Variants in SRGAP1 observed in about 807,000 individuals in gnomAD.
The protein encoded by SRGAP1 is SLIT-ROBO Rho GTPase activating protein 1, also known as SLIT-ROBO Rho GTPase-activating protein 1.
In SRGAP1, 43 loss-of-function variants were observed where a neutral mutation model predicts 121.9. The ratio of observed to expected loss-of-function variants is 0.35; its 90% CI spans 0.28 to 0.46. SRGAP1 has a LOEUF of 0.46. Among genes scored for constraint, SRGAP1 ranks in the 20% least tolerant of loss-of-function variants. The pLI is 1.00. For missense variants in SRGAP1, 1,102 were observed against 1,350.9 expected (o/e 0.82, Z 2.89); for synonymous variants, 447 against 485.4 (o/e 0.92, Z 1.04).
chr12:64,123,073 A>G (rs1293931945), intron 18 of SRGAP1, among the ~76,000 whole-genome samples: 1 of 152,250 alleles, frequency 6.6e-6, no homozygotes, highest in Admixed American at 6.5e-5. Context: ...TTTCTGTAAC[A>G]TAAGTATATG....
At chr12:64,007,234 C>T (rs1400623302) in intron 3 of SRGAP1, among the ~76,000 whole-genome samples, 1 of 152,150 alleles carries the variant, frequency 6.6e-6, no homozygotes, top group African/African-American at 2.4e-5. Flanking sequence ...TGGTCCCCAA[C>T]CTTTTTGGCA....
Position 63,844,838 on chromosome 12 carries a change from A to G in SRGAP1, c.22A>G (p.Lys8Glu). The G allele has an allele frequency of 6.2e-7, 1 of 1,614,188 alleles. No homozygotes were observed. The highest frequency in any genetic ancestry group is 8.5e-7 in the Non-Finnish European group (1 of 1,180,046). Residue 8 changes from lysine (K) to glutamate (E), a missense_variant, in exon 1 of 22, where the codon AAG becomes GAG. This residue lies in a region of SRGAP1 where 747 missense variants were observed against 929.4 expected (regional missense o/e 0.80). Coordinates refer to ENST00000355086, the MANE Select transcript of SRGAP1 (RefSeq NM_020762.4). This position sits in a 1 kb window ranked among gnomAD's most constrained non-coding sequence, Gnocchi z 4.3. The part of the protein sequence containing the change: MSTPSRF[K>E]KDKEIIAEYE... ...GATAATGTCCACCCCGAGCCGATTCAAGAAGGACAAAGAGATCATAGCCGA... is the reference window on the plus strand; with the variant it reads ...GATAATGTCCACCCCGAGCCGATTCGAGAAGGACAAAGAGATCATAGCCGA...
Position 64,142,879 on chromosome 12 carries a change from T to C in SRGAP1, c.*207T>C, listed in dbSNP as rs914728554. On this transcript the variant is annotated 3_prime_UTR_variant, in exon 22 of 22. Coordinates refer to ENST00000355086, the MANE Select transcript of SRGAP1 (RefSeq NM_020762.4). ...TAATTTTTTTAAATAACTGGACATA[T>C]GTCATTTTAAGGACAATAGAAACAC... 4.5e-6 allele frequency: 3 copies of C among 661,436 alleles called. No individual in the cohort carries two copies. Among genetic ancestry groups the C allele is most frequent in the Admixed American group, 3.1e-5 (1 of 32,784 alleles). The allele number at this position is 661,436 out of a possible 1,614,324, so 41.0% of individuals were successfully genotyped here.
intron 4 of SRGAP1, among the ~76,000 whole-genome samples, chr12:64,035,903 A>G (rs1474671335): frequency 6.6e-6 from 1 of 152,132 alleles, no homozygotes; most frequent in Non-Finnish European, 1.5e-5. Flanking sequence ...TACCTTAGAC[A>G]CTGTCAAGAA....
chr12:63,952,639 C>T (rs2032335735), intron 1 of SRGAP1, among the ~76,000 whole-genome samples: 1 of 152,100 alleles, frequency 6.6e-6, no homozygotes, highest in African/African-American at 2.4e-5. Flanking sequence ...AAGTTAGTCC[C>T]AGAATGATCA....
intron 4 of SRGAP1, among the ~76,000 whole-genome samples, chr12:64,023,048 T>C (rs564501198): frequency 3.3e-5 from 5 of 152,208 alleles, no homozygotes; most frequent in Admixed American, 6.5e-5. Flanking sequence ...CTCCTCATCA[T>C]CATCGCCCTC....
chr12:64,031,043 C>G (rs1379399270), intron 4 of SRGAP1, among the ~76,000 whole-genome samples: 1 of 152,092 alleles, frequency 6.6e-6, no homozygotes, highest in Non-Finnish European at 1.5e-5. Flanking sequence ...GCTGGCTGGG[C>G]ATGGTGGCTC....
At chr12:63,990,679 G>C (rs372243415) in intron 3 of SRGAP1, among the ~76,000 whole-genome samples, 1 of 152,166 alleles carries the variant, frequency 6.6e-6, no homozygotes, top group Non-Finnish European at 1.5e-5. Context: ...GATATAAGAT[G>C]TTCCTGCAAA....
chr12:63,918,019 T>C (rs1420167631), intron 1 of SRGAP1, among the ~76,000 whole-genome samples: 2 of 152,244 alleles, frequency 1.3e-5, no homozygotes, highest in Non-Finnish European at 2.9e-5. Context: ...CCCTAGCACA[T>C]GGCCTTAGTC....
rs1592362967 is a variant in SRGAP1 at position 64,145,555 on chromosome 12, A to G, written c.*2883A>G. 6.8e-6 allele frequency: 1 copy of G among 147,692 alleles called. No homozygotes were observed. Among genetic ancestry groups the G allele is most frequent in the South Asian group, 2.1e-4 (1 of 4,692 alleles). 9.1% of individuals were successfully genotyped at this position (147,692 alleles called of 1,614,324 possible). A position where few individuals can be genotyped will look rare whatever the true frequency, so the allele number is the denominator to read the frequency against. On this transcript the variant is annotated 3_prime_UTR_variant, in exon 22 of 22. Coordinates refer to ENST00000355086, the MANE Select transcript of SRGAP1 (RefSeq NM_020762.4). The stretch of plus-strand genomic sequence containing the variant: ...CCTATACTCCTATTGTCAGCTTGAG[A>G]CTTTTTTTTTTTTTCAATTCCAAAT...
At chr12:63,981,118 A>G (rs925035372) in intron 1 of SRGAP1, among the ~76,000 whole-genome samples, 3 of 152,158 alleles carry the variant, frequency 2.0e-5, no homozygotes, top group Non-Finnish European at 4.4e-5. Context: ...TTGATTGGAA[A>G]ATTACAGATG....
intron 1 of SRGAP1, among the ~76,000 whole-genome samples, chr12:63,966,437 ATCC>A (rs2032792459): frequency 6.6e-6 from 1 of 152,188 alleles, no homozygotes; most frequent in African/African-American, 2.4e-5. Context: ...GAAAAAGAAA[ATCC>A]TCATTATGTT....
intron 1 of SRGAP1, among the ~76,000 whole-genome samples, chr12:63,969,015 A>T (rs2032862216): frequency 6.6e-6 from 1 of 152,156 alleles, no homozygotes. Context: ...TTCAAAGGGA[A>T]AAAAATCGTA....
At chr12:63,861,716 G>C (rs1307918911) in intron 1 of SRGAP1, among the ~76,000 whole-genome samples, 1 of 152,164 alleles carries the variant, frequency 6.6e-6, no homozygotes, top group Non-Finnish European at 1.5e-5. Context: ...GGCCAGGAGT[G>C]GTGGCTTATT....
In SRGAP1 at chr12:64,109,006, G is replaced by T; in HGVS notation, c.1888G>T (p.Val630Leu). Residue 630 changes from valine (V) to leucine (L), a missense_variant, in exon 16 of 22, where the codon GTG becomes TTG. By Grantham distance (32) the Val-to-Leu change is conservative (BLOSUM62 1). This residue lies in a region of SRGAP1 where 747 missense variants were observed against 929.4 expected (regional missense o/e 0.80). Coordinates refer to ENST00000355086, the MANE Select transcript of SRGAP1 (RefSeq NM_020762.4). ...LLTLPRSVLIVMRYLFAFLNH... is the reference protein window; with the variant it reads ...LLTLPRSVLILMRYLFAFLNH... The stretch of plus-strand genomic sequence containing the variant: ...GACTTTGCCCAGGTCGGTCCTTATA[G>T]TGATGAGGTACCTCTTTGCCTTCCT... 2 of 1,587,720 alleles carry T rather than the reference G, an allele frequency of 1.3e-6. No individual in the cohort carries two copies. The highest frequency in any genetic ancestry group is 1.7e-6 in the Non-Finnish European group (2 of 1,162,572).
intron 1 of SRGAP1, among the ~76,000 whole-genome samples, chr12:63,868,060 T>A (rs201817213): frequency 0.069 from 4,794 of 69,980 alleles, 252 homozygotes; most frequent in African/African-American, 0.24. Context: ...ATATATATTT[T>A]TTTTTTTTTT....
chr12:64,046,684 C>T (rs1186468663), intron 6 of SRGAP1, among the ~76,000 whole-genome samples: 3 of 152,090 alleles, frequency 2.0e-5, no homozygotes, highest in Non-Finnish European at 4.4e-5. Flanking sequence ...AGCAGTAGTC[C>T]TGCTATGTCT....
At chr12:63,925,453 G>A (rs777780237) in intron 1 of SRGAP1, among the ~76,000 whole-genome samples, 3 of 152,080 alleles carry the variant, frequency 2.0e-5, no homozygotes, top group African/African-American at 7.2e-5. Context: ...AAATTATGCC[G>A]ATTAGTAGGA....
At chr12:63,846,243 A>G (rs1898898187) in intron 1 of SRGAP1, among the ~76,000 whole-genome samples, 1 of 152,148 alleles carries the variant, frequency 6.6e-6, no homozygotes, top group African/African-American at 2.4e-5. Flanking sequence ...GTTAGCAGAT[A>G]AGTAATTATT....
Sources: allele counts gnomAD v4.1 joint callset (sites outside exome capture counted in the v4.1 genomes callset), GRCh38; gene constraint gnomAD v4.1.1; regional missense constraint gnomAD v4.1.1; non-coding constraint Gnocchi (gnomAD v3.1); transcripts MANE v1.5; gene names NCBI Gene and HGNC (gene_info 2026-07-23, HGNC 2026-07-21).